The following UPP2 variants were observed in gnomAD, a reference collection of about 807,000 sequenced individuals.
UPP2 encodes uridine phosphorylase 2.
A neutral mutation model predicts 26.7 loss-of-function variants in UPP2; 23 were observed. The ratio of observed to expected loss-of-function variants is 0.86; its 90% confidence interval spans 0.62 to 1.22. UPP2 has a LOEUF of 1.22. Ranked by LOEUF, UPP2 falls within the 50% of genes most tolerant of loss-of-function variation. The pLI is 0.00. For synonymous variants in UPP2, 127 were observed against 141.3 expected, an observed-to-expected ratio of 0.90 and a Z score of 0.72; for missense variants, 387 against 396.7, an observed-to-expected ratio of 0.98 and a Z score of 0.21.
chr2:158,076,841 T>C (rs1308240224), intron 3 of UPP2, among the ~76,000 whole-genome samples: 2 of 151,938 alleles, frequency 1.3e-5, no homozygotes, highest in African/African-American at 4.8e-5. Context: ...AAGAGAAAGA[T>C]ATAAAGGGCA....
intron 5 of UPP2, 115 bp downstream of exon 5, chr2:158,121,733 A>C (rs1339415616): frequency 3.0e-6 from 3 of 985,196 alleles, no homozygotes; most frequent in Non-Finnish European, 4.5e-6. Flanking sequence ...TTTGTGGGTT[A>C]AAAAGGAAAT....
At chr2:158,106,390 C>A (rs1329026838) in intron 2 of UPP2, among the ~76,000 whole-genome samples, 174 bp downstream of exon 2, 10 of 152,170 alleles carry the variant, frequency 6.6e-5, no homozygotes, top group Non-Finnish European at 1.5e-4. Flanking sequence ...ATCATTTCCA[C>A]CTCAACAAGA....
intron 2 of UPP2, among the ~76,000 whole-genome samples, chr2:158,000,259 T>A (rs6437125): frequency 0.67 from 101,629 of 151,780 alleles, 34,536 homozygotes; most frequent in East Asian, 0.98. Context: ...CTCTTTTTCC[T>A]GCTTTTGGTA....
At chr2:158,083,323 T>C (rs1211032812) in intron 3 of UPP2, among the ~76,000 whole-genome samples, 1 of 152,110 alleles carries the variant, frequency 6.6e-6, no homozygotes, top group Non-Finnish European at 1.5e-5. Context: ...CCATCAATGA[T>C]AGACTGGATA....
At chr2:158,109,977 T>C (rs1209211183) in intron 2 of UPP2, among the ~76,000 whole-genome samples, 1 of 152,222 alleles carries the variant, frequency 6.6e-6, no homozygotes, top group African/African-American at 2.4e-5. Flanking sequence ...AGGAAATTTA[T>C]AGAATTAAAG....
chr2:158,107,501 G>A (rs1358138668), intron 2 of UPP2, among the ~76,000 whole-genome samples: 1 of 152,124 alleles, frequency 6.6e-6, no homozygotes, highest in Non-Finnish European at 1.5e-5. Flanking sequence ...ATTGCACTAG[G>A]AGGACCCTTT....
At chr2:158,053,023 A>G (rs1182763615) in intron 3 of UPP2, among the ~76,000 whole-genome samples, 1 of 152,178 alleles carries the variant, frequency 6.6e-6, no homozygotes, top group Admixed American at 6.5e-5. Context: ...AAATCTCCTC[A>G]TTACAGGGAA....
At chr2:158,042,433 A>C (rs1684094365) in intron 3 of UPP2, among the ~76,000 whole-genome samples, 2 of 152,124 alleles carry the variant, frequency 1.3e-5, no homozygotes, top group South Asian at 4.2e-4. Flanking sequence ...CCCCATCTTA[A>C]AACAAGCTCC....
intron 2 of UPP2, among the ~76,000 whole-genome samples, chr2:158,007,140 C>T (rs546684801): frequency 1.3e-5 from 2 of 152,274 alleles, no homozygotes; most frequent in South Asian, 4.1e-4. Context: ...TTTGCTCAGC[C>T]CTTTCTGTGT....
At chr2:158,019,615 G>A (rs1683715841) in intron 3 of UPP2, among the ~76,000 whole-genome samples, 1 of 147,734 alleles carries the variant, frequency 6.8e-6, no homozygotes, top group African/African-American at 2.5e-5. Flanking sequence ...ATCCTCCAAA[G>A]TGGAAGGAAA....
chr2:158,049,838 A>G (rs1443051518), intron 3 of UPP2, among the ~76,000 whole-genome samples: 1 of 152,216 alleles, frequency 6.6e-6, no homozygotes, highest in African/African-American at 2.4e-5. Flanking sequence ...GTTTCTTATG[A>G]TCATACATTA....
intron 3 of UPP2, among the ~76,000 whole-genome samples, chr2:158,077,559 A>G (rs545292709): frequency 6.6e-6 from 1 of 152,062 alleles, no homozygotes; most frequent in African/African-American, 2.4e-5. Flanking sequence ...AGTCTCTTTA[A>G]GGTGCTGGGA....
chr2:158,129,498 G>A (rs895828726), intron 6 of UPP2, among the ~76,000 whole-genome samples: 4 of 152,020 alleles, frequency 2.6e-5, no homozygotes, highest in Non-Finnish European at 4.4e-5. Context: ...TCTAGAGAGT[G>A]TAATTGACCT....
rs1220948950 is a variant in UPP2 at position 158,106,214 on chromosome 2, A to G, written c.178A>G (p.Lys60Glu). 6.2e-7 allele frequency: 1 copy of G among 1,603,796 alleles called. No homozygotes were observed. The highest frequency in any genetic ancestry group is 1.3e-5 in the African/African-American group (1 of 74,356). The change falls in exon 2 of 7, where the codon AAG (lysine) becomes GAG (glutamate). Residue 60 changes from lysine (K) to glutamate (E), a missense_variant and splice_region_variant. Lys to Glu is a moderately conservative substitution (Grantham distance 56, BLOSUM62 1). Coordinates refer to ENST00000005756, the MANE Select transcript of UPP2 (RefSeq NM_173355.4). ...CCTACCAGCAATGTTTGGAGATGTA[A>G]AGGTAAAAACATTTCTAATTTCAGG... Reference protein sequence around the residue: ...HNLPAMFGDVKFVCVGGSPNR... With the variant: ...HNLPAMFGDVEFVCVGGSPNR...
intron 2 of UPP2, among the ~76,000 whole-genome samples, chr2:158,008,502 C>T (rs184619345): frequency 2.1e-4 from 32 of 152,274 alleles, no homozygotes; most frequent in Non-Finnish European, 3.2e-4. Flanking sequence ...TTCTTAAACA[C>T]ACAGTTGTTT....
At chr2:158,059,683 T>C (rs1334549859) in intron 3 of UPP2, among the ~76,000 whole-genome samples, 1 of 152,212 alleles carries the variant, frequency 6.6e-6, no homozygotes, top group African/African-American at 2.4e-5. Flanking sequence ...TTGTACAACG[T>C]CTGGCACACA....
In UPP2 at chr2:158,041,074, G is replaced by A. The variant is rs977761512; in HGVS notation, c.147+25188G>A. ...GCTTAGCCTAACAGGGTGGCTGTGA[G>A]CAGTAAATGAAATAATATATGTGAA... On this transcript the variant is annotated intron_variant, in intron 3 of 9. Coordinates refer to the UPP2 transcript ENST00000605860. 2.0e-5 allele frequency among the ~76,000 whole-genome samples: 3 copies of A among 152,150 alleles called. No individual in the cohort carries two copies. The East Asian group carries it at 5.8e-4, about 29-fold the overall frequency.
upstream of UPP2, among the ~76,000 whole-genome samples, chr2:158,098,122 G>C (rs1683015576): frequency 6.6e-6 from 1 of 152,152 alleles, no homozygotes; most frequent in African/African-American, 2.4e-5. Flanking sequence ...GAGAACTCAG[G>C]ATAGGATATA....
At chr2:158,117,661 A>G (rs1683469414) in intron 3 of UPP2, among the ~76,000 whole-genome samples, 163 bp from the exon 4 acceptor site, 1 of 152,018 alleles carries the variant, frequency 6.6e-6, no homozygotes, top group Non-Finnish European at 1.5e-5. Flanking sequence ...CATGTCATGT[A>G]GGTGCCAATT....
Sources: allele counts gnomAD v4.1 joint callset (sites outside exome capture counted in the v4.1 genomes callset), GRCh38; gene constraint gnomAD v4.1.1; transcripts MANE v1.5; gene names NCBI Gene and HGNC (gene_info 2026-07-23, HGNC 2026-07-21).